TAF8: variants seen among roughly 807,000 people sequenced by gnomAD.
TAF8 encodes the protein transcription initiation factor TFIID subunit 8.
In TAF8, 47 loss-of-function variants were observed where a neutral mutation model predicts 36.5. That is an observed-to-expected ratio of 1.29 (90% CI 1.02 to 1.64). The LOEUF (loss-of-function observed/expected upper bound fraction) is 1.64. TAF8 is among the 40% of genes most tolerant of loss of function. The pLI, the probability that TAF8 is intolerant of heterozygous loss-of-function variation, is 0.00. For synonymous variants in TAF8, 175 were observed against 159.5 expected, an observed-to-expected ratio of 1.10 and a Z score of -0.73; for missense variants, 420 against 407.6, an observed-to-expected ratio of 1.03 and a Z score of -0.26.
Position 42,079,839 on chromosome 6 carries a change from C to T in TAF8, c.*2294C>T. On this transcript the variant is annotated 3_prime_UTR_variant, in exon 9 of 9. Transcript: ENST00000372977. ...AAAGTGTTGAGATTACAGGCGTGAG[C>T]CACGGTGCCCAGCCCATCTCTTAGT... 1.0e-6 allele frequency: 1 copy of T among 985,162 alleles called. No individual in the cohort carries two copies. Among genetic ancestry groups the T allele is most frequent in the Non-Finnish European group, 1.2e-6 (1 of 829,874 alleles). 61.0% of individuals were successfully genotyped at this position (985,162 alleles called of 1,614,324 possible).
rs986933832 is a variant in TAF8 at position 42,070,361 on chromosome 6, A to G, written c.780+1754A>G. 5.9e-5 allele frequency among the ~76,000 whole-genome samples: 9 copies of G among 151,944 alleles called. No homozygotes were observed. The South Asian group carries it at 1.2e-3, about 21-fold the overall frequency. ...AAAAAAATTAGCCAGGCGTGGTGGCAGGCGCCTGTAGTCCCAGCTATTTGG... is the reference window on the plus strand; with the variant it reads ...AAAAAAATTAGCCAGGCGTGGTGGCGGGCGCCTGTAGTCCCAGCTATTTGG... On this transcript the variant is annotated intron_variant, in intron 7 of 8. Transcript: ENST00000372977.
At chr6:42,076,681 G>A (rs1352594735) in intron 7 of TAF8, among the ~76,000 whole-genome samples, 1 of 152,172 alleles carries the variant, frequency 6.6e-6, no homozygotes, top group Non-Finnish European at 1.5e-5. Flanking sequence ...GCCAGGAGAT[G>A]CGCTATGCAG....
chr6:42,053,206 A>G (rs1486921862), intron 2 of TAF8, among the ~76,000 whole-genome samples: 1 of 152,094 alleles, frequency 6.6e-6, no homozygotes, highest in African/African-American at 2.4e-5. Context: ...GAATCCCTTT[A>G]TATTAATAAA....
intron 5 of TAF8, among the ~76,000 whole-genome samples, chr6:42,062,503 C>T (rs1479976734): frequency 7.5e-6 from 1 of 133,740 alleles, no homozygotes; most frequent in Non-Finnish European, 1.6e-5. Context: ...AGTTTCGATT[C>T]TGTTACTCTT....
Position 42,077,758 on chromosome 6 carries a change from T to A in TAF8, c.*213T>A, listed in dbSNP as rs73430051. 0.017 allele frequency: 16,158 copies of A among 940,134 alleles called. 1,393 individuals carry two copies. In the African/African-American group the frequency reaches 0.23, roughly 13 times the overall value. The allele number at this position is 940,134 out of a possible 1,614,324, so 58.2% of individuals were successfully genotyped here. On this transcript the variant is annotated 3_prime_UTR_variant, in exon 9 of 9. Transcript: ENST00000372977. ...GAAGATATGAACAGAATAATGAGAA[T>A]TTTTTTTTTTATTTTGAGATGGAGT...
chr6:42,071,360 C>T (rs1449136876), intron 7 of TAF8: 3 of 180,338 alleles, frequency 1.7e-5, no homozygotes, highest in South Asian at 7.2e-5. Context: ...GAGTCTCGCT[C>T]CGTCACCCAG....
At position 42,051,468 on chromosome 6, in the gene TAF8, G is replaced by A; in HGVS notation, c.157G>A (p.Ala53Thr). The change falls in exon 2 of 9, where the codon GCC becomes ACC. Residue 53 changes from alanine (A) to threonine (T), a missense_variant. By Grantham distance (58) the Ala-to-Thr change is moderately conservative (BLOSUM62 0). Coordinates refer to ENST00000372977, the MANE Select transcript of TAF8 (RefSeq NM_138572.3). Reference protein sequence around the residue: ...SLLTEAGFESAEKASVETLTE... With the variant: ...SLLTEAGFESTEKASVETLTE... The stretch of plus-strand genomic sequence containing the variant: ...GCTGACAGAGGCAGGGTTTGAGAGT[G>A]CCGAGAAAGCATCCGTGGAAACGCT... The A allele has an allele frequency of 6.2e-7, 1 of 1,614,092 alleles. No homozygotes were observed. The highest frequency in any genetic ancestry group is 8.5e-7 in the Non-Finnish European group (1 of 1,180,004).
At chr6:42,061,950 G>T (rs2493832) in intron 5 of TAF8, among the ~76,000 whole-genome samples, 1 of 152,000 alleles carries the variant, frequency 6.6e-6, no homozygotes. Context: ...AAATTTTTTT[G>T]TAAAGAAAAA....
In TAF8 at chr6:42,078,187, A is replaced by G; in HGVS notation, c.*642A>G. The stretch of plus-strand genomic sequence containing the variant: ...TTACAGGCGTGAGCCACCGCACCCC[A>G]CCAGAGACTTTCTTAATCAATCAGG... On this transcript the variant is annotated 3_prime_UTR_variant, in exon 9 of 9. Transcript: ENST00000372977. The G allele has an allele frequency of 7.1e-6, 7 of 985,602 alleles. No individual in the cohort carries two copies. Among genetic ancestry groups the G allele is most frequent in the Non-Finnish European group, 8.4e-6 (7 of 830,180 alleles). 61.1% of individuals were successfully genotyped at this position (985,602 alleles called of 1,614,324 possible).
At chr6:42,061,675 C>G (rs1165994598) in intron 5 of TAF8, among the ~76,000 whole-genome samples, 1 of 152,086 alleles carries the variant, frequency 6.6e-6, no homozygotes, top group Admixed American at 6.6e-5. Context: ...GGAACATATA[C>G]CAATAACATT....
At position 42,080,293 on chromosome 6, in the gene TAF8, T is replaced by C; in HGVS notation, c.*2748T>C. The C allele has an allele frequency of 2.0e-6, 2 of 986,728 alleles. No individual in the cohort carries two copies. Among genetic ancestry groups the C allele is most frequent in the Non-Finnish European group, 2.4e-6 (2 of 830,750 alleles). The allele number at this position is 986,728 out of a possible 1,614,324, so 61.1% of individuals were successfully genotyped here. On this transcript the variant is annotated 3_prime_UTR_variant, in exon 9 of 9. Transcript: ENST00000372977. ...AAGCACCTGTTGAATGCAGATGTGC[T>C]GAGTTAGAGGTGGGATTTGGAAAAG...
intron 6 of TAF8, 89 bp from the exon 7 acceptor site, chr6:42,068,376 C>T: frequency 6.9e-7 from 1 of 1,439,614 alleles, no homozygotes; most frequent in Non-Finnish European, 9.7e-7. Context: ...TCTGGTGCTG[C>T]TCACTGATTT....
rs2127467016 is a variant in TAF8, at chr6:42,081,020, T to C, written c.*3475T>C. 1.0e-6 allele frequency: 1 copy of C among 972,914 alleles called. No homozygotes were observed. The highest frequency in any genetic ancestry group is 1.8e-5 in the African/African-American group (1 of 57,052). 60.3% of individuals were successfully genotyped at this position (972,914 alleles called of 1,614,324 possible). On this transcript the variant is annotated 3_prime_UTR_variant, in exon 9 of 9. Transcript: ENST00000372977. ...CACACCTGGGAACTTAGTAAAACTTTTATTTTGGAAATTTTCAAATACAAA... is the reference window on the plus strand; with the variant it reads ...CACACCTGGGAACTTAGTAAAACTTCTATTTTGGAAATTTTCAAATACAAA...
chr6:42,054,535 G>T (rs1764908592), intron 2 of TAF8, among the ~76,000 whole-genome samples: 1 of 151,964 alleles, frequency 6.6e-6, no homozygotes. Flanking sequence ...TCCATCTCTA[G>T]ATACCTCATA....
chr6:42,084,929 A>G (rs9381136), downstream of TAF8, among the ~76,000 whole-genome samples: 86,153 of 152,070 alleles, frequency 0.57, 24,847 homozygotes, highest in East Asian at 0.65. Context: ...AGCAGAATGG[A>G]CTCCTTTCTT....
chr6:42,062,795 C>T (rs1407932670), intron 5 of TAF8, among the ~76,000 whole-genome samples: 1 of 151,982 alleles, frequency 6.6e-6, no homozygotes, highest in African/African-American at 2.4e-5. Flanking sequence ...CTACCTTGGC[C>T]TCCCAAAGTT....
Position 42,080,108 on chromosome 6 carries a change from A to G in TAF8, c.*2563A>G, listed in dbSNP as rs1373407009. 2.0e-6 allele frequency: 2 copies of G among 985,206 alleles called. No individual in the cohort carries two copies. The highest frequency in any genetic ancestry group is 2.3e-4 in the East Asian group (2 of 8,808). 61.0% of individuals were successfully genotyped at this position (985,206 alleles called of 1,614,324 possible). On this transcript the variant is annotated 3_prime_UTR_variant, in exon 9 of 9. Transcript: ENST00000372977. ...TTAGACTGGCCTATGTGGCCTTCTC[A>G]GGGTTTGTGATTCAGTTCTTAGCGA...
rs1397078142 is a variant in TAF8, at chr6:42,057,717, C to T, written c.489+204C>T. ...GGAGGATCACTTGAGCCTGGGAGTT[C>T]AAGACCAGCCTGGGCAGCAGAGCAA... On this transcript the variant is annotated intron_variant, in intron 5 of 8. Coordinates refer to ENST00000372977, the MANE Select transcript of TAF8 (RefSeq NM_138572.3). 5.1e-6 allele frequency: 3 copies of T among 589,576 alleles called. No homozygotes were observed. The African/African-American group carries it at 5.8e-5, about 11-fold the overall frequency. The allele number at this position is 589,576 out of a possible 1,614,324, so 36.5% of individuals were successfully genotyped here. A position where few individuals can be genotyped will look rare whatever the true frequency, so the allele number is the denominator to read the frequency against.
At chr6:42,072,166 G>A (rs1383888815) in intron 7 of TAF8, among the ~76,000 whole-genome samples, 1 of 152,226 alleles carries the variant, frequency 6.6e-6, no homozygotes, top group Non-Finnish European at 1.5e-5. Context: ...TCTATCAGGT[G>A]CCTGGCATGT....
Sources: gnomAD v4.1 joint callset for allele counts (sites outside exome capture counted in the v4.1 genomes callset) on GRCh38, gnomAD v4.1.1 for gene constraint, MANE v1.5 for transcripts, NCBI Gene and HGNC (gene_info 2026-07-23, HGNC 2026-07-21) for gene names.